ZNF814: variants seen among roughly 807,000 people sequenced by gnomAD.
ZNF814 encodes the protein zinc finger protein 814.
In ZNF814, 5 loss-of-function variants were observed where a neutral mutation model predicts 7.5. That is an observed-to-expected ratio of 0.67 (90% confidence interval 0.35 to 1.40). The LOEUF (loss-of-function observed/expected upper bound fraction) is 1.40. Among genes scored for constraint, ZNF814 ranks in the 40% most tolerant of loss-of-function variants. ZNF814 has a pLI of 0.04. For synonymous variants in ZNF814, 315 were observed against 340.7 expected (o/e 0.92, Z 0.83); for missense variants, 962 against 1,018.0 (o/e 0.94, Z 0.75).
chr19:57,886,158 A>G (rs1322804406), intron 1 of ZNF814, among the ~76,000 whole-genome samples: 1 of 152,096 alleles, frequency 6.6e-6, no homozygotes, highest in Non-Finnish European at 1.5e-5. Flanking sequence ...GAGGGAATGG[A>G]ACACTCTCCA....
At position 57,870,431 on chromosome 19, in the gene ZNF814, A is replaced by G. The variant is rs1182559205; in HGVS notation, c.*2391T>C. ...GCACTAAGGCCATTTCCACCTGATT[A>G]AGTGGCTGGCTGGTCACAAAGGCCA... On this transcript the variant is annotated 3_prime_UTR_variant, in exon 3 of 3. Transcript: ENST00000435989. 1 of 152,170 alleles carries G rather than the reference A, an allele frequency of 6.6e-6. No individual in the cohort carries two copies. Among genetic ancestry groups the G allele is most frequent in the Non-Finnish European group, 1.5e-5 (1 of 68,034 alleles). 9.4% of individuals were successfully genotyped at this position (152,170 alleles called of 1,614,324 possible).
In ZNF814 at chr19:57,871,054, ATAAAG is replaced by A. The variant is rs775068910; in HGVS notation, c.*1763_*1767del. On this transcript the variant is annotated 3_prime_UTR_variant, in exon 3 of 3. Coordinates refer to ENST00000435989, the MANE Select transcript of ZNF814 (RefSeq NM_001144989.2). ...ATTCTGTCTCCTCCACTGCCTATAAATAAAGTAATTCTATAAAATTATAATTTCAC... is the reference window on the plus strand; with the variant it reads ...ATTCTGTCTCCTCCACTGCCTATAAATAATTCTATAAAATTATAATTTCAC... 12 of 152,198 alleles carry A rather than the reference ATAAAG, an allele frequency of 7.9e-5. No homozygotes were observed. The highest frequency in any genetic ancestry group is 1.3e-4 in the Non-Finnish European group (9 of 68,042). The allele number at this position is 152,198 out of a possible 1,614,324, so 9.4% of individuals were successfully genotyped here.
At chr19:57,882,741 A>G (rs180976711) in intron 1 of ZNF814, among the ~76,000 whole-genome samples, 1 of 148,512 alleles carries the variant, frequency 6.7e-6, no homozygotes, top group Admixed American at 6.7e-5. Context: ...CTTAGATCAC[A>G]ACACCCGGGT....
chr19:57,893,260 G>A (rs189133146), upstream of ZNF814, among the ~76,000 whole-genome samples: 30 of 145,730 alleles, frequency 2.1e-4, no homozygotes, highest in East Asian at 5.2e-3. Context: ...TGCAACCTCC[G>A]CCTCCTGGGT....
At chr19:57,876,798 AC>A in intron 2 of ZNF814, 117 bp downstream of exon 2, 3 of 1,528,246 alleles carry the variant, frequency 2.0e-6, no homozygotes, top group Non-Finnish European at 2.6e-6. Context: ...GAACCTACCC[AC>A]AGAACTGAAG....
chr19:57,902,968 C>G, the ZNF814 span, among the ~76,000 whole-genome samples: 1 of 152,072 alleles, frequency 6.6e-6, no homozygotes, highest in Admixed American at 6.5e-5. Context: ...TGTGAGCCAC[C>G]CCGCCAGGCC....
intron 1 of ZNF814, among the ~76,000 whole-genome samples, chr19:57,877,615 G>A (rs1238222385): frequency 6.6e-6 from 1 of 151,916 alleles, no homozygotes; most frequent in Non-Finnish European, 1.5e-5. Flanking sequence ...GCTAATTTTT[G>A]TATTTTTAGT....
At chr19:57,877,677 G>A (rs1446592983) in intron 1 of ZNF814, among the ~76,000 whole-genome samples, 5 of 151,636 alleles carry the variant, frequency 3.3e-5, no homozygotes, top group Admixed American at 6.6e-5. Flanking sequence ...TCCTGACCTC[G>A]TAATCCTCCC....
chr19:57,887,417 C>T (rs572988151), intron 1 of ZNF814, among the ~76,000 whole-genome samples: 1 of 152,204 alleles, frequency 6.6e-6, no homozygotes, highest in Non-Finnish European at 1.5e-5. Flanking sequence ...ACCAAGATGC[C>T]TTTTGTCTTC....
upstream of ZNF814, chr19:57,889,113 C>T: frequency 2.2e-6 from 1 of 451,912 alleles, no homozygotes; most frequent in East Asian, 3.2e-5. Flanking sequence ...TCTGAGCCCT[C>T]AGAGGTCTTC....
rs1414656032 is a variant in ZNF814, at chr19:57,872,651, A to C, written c.*171T>G. ...GCAAAGGATTTCCCACATTCACTGC[A>C]CTCATAAGGTGGTGTGACCAGTGTG... On this transcript the variant is annotated 3_prime_UTR_variant, in exon 3 of 3. Transcript: ENST00000435989. The C allele has an allele frequency of 2.7e-6, 4 of 1,501,828 alleles. No individual in the cohort carries two copies. Among genetic ancestry groups the C allele is most frequent in the Non-Finnish European group, 3.6e-6 (4 of 1,097,074 alleles). The allele number at this position is 1,501,828 out of a possible 1,614,324, so 93.0% of individuals were successfully genotyped here.
At chr19:57,884,763 C>G (rs1459736181) in intron 1 of ZNF814, among the ~76,000 whole-genome samples, 1 of 152,086 alleles carries the variant, frequency 6.6e-6, no homozygotes, top group Non-Finnish European at 1.5e-5. Flanking sequence ...ATAACAAATG[C>G]TGGTGAGGAT....
At chr19:57,883,810 C>T (rs376627448) in intron 1 of ZNF814, among the ~76,000 whole-genome samples, 2 of 151,218 alleles carry the variant, frequency 1.3e-5, no homozygotes, top group Admixed American at 6.6e-5. Context: ...CAGGCTGGAG[C>T]GCAATGGCAC....
chr19:57,885,637 A>C (rs1198737903), intron 1 of ZNF814, among the ~76,000 whole-genome samples: 6 of 151,888 alleles, frequency 4.0e-5, no homozygotes, highest in Non-Finnish European at 8.8e-5. Context: ...CTCAAAAAAA[A>C]AAAAAACAAA....
intron 1 of ZNF814, among the ~76,000 whole-genome samples, chr19:57,888,260 T>C (rs1431630857): frequency 1.3e-5 from 2 of 152,232 alleles, no homozygotes; most frequent in African/African-American, 4.8e-5. Flanking sequence ...CATGGCCAAC[T>C]ACCAAGTGAA....
the ZNF814 span, among the ~76,000 whole-genome samples, chr19:57,896,066 C>T: frequency 1.3e-5 from 2 of 151,200 alleles, no homozygotes; most frequent in Admixed American, 6.6e-5. The surrounding 1 kb of genome is among the most constrained non-coding windows in gnomAD (Gnocchi z 4.2). Flanking sequence ...AGAAATTTTA[C>T]GTTTGCACAG....
At chr19:57,900,447 G>C in the ZNF814 span, 1 of 152,106 alleles carries the variant, frequency 6.6e-6, no homozygotes, top group Non-Finnish European at 1.5e-5. Context: ...AGCTTTTGCC[G>C]ATGCACAAAC....
chr19:57,871,076 T>A lies in ZNF814; in HGVS notation c.*1746A>T, dbSNP rs1002429064. On this transcript the variant is annotated 3_prime_UTR_variant, in exon 3 of 3. Coordinates refer to ENST00000435989, the MANE Select transcript of ZNF814 (RefSeq NM_001144989.2). ...TAAATAAAGTAATTCTATAAAATTATAATTTCACCTGATAGCATTACAATC... is the reference window on the plus strand; with the variant it reads ...TAAATAAAGTAATTCTATAAAATTAAAATTTCACCTGATAGCATTACAATC... The A allele has an allele frequency of 3.3e-5, 5 of 152,224 alleles. No individual in the cohort carries two copies. Among genetic ancestry groups the A allele is most frequent in the Non-Finnish European group, 7.3e-5 (5 of 68,038 alleles). 9.4% of individuals were successfully genotyped at this position (152,224 alleles called of 1,614,324 possible). A position where few individuals can be genotyped will look rare whatever the true frequency, so the allele number is the denominator to read the frequency against.
chr19:57,877,749 G>A (rs2071617821), intron 1 of ZNF814, among the ~76,000 whole-genome samples: 1 of 152,094 alleles, frequency 6.6e-6, no homozygotes, highest in South Asian at 2.1e-4. Flanking sequence ...CCAGCTTAAA[G>A]TATCTTAATT....
Sources: allele counts gnomAD v4.1 joint callset (sites outside exome capture counted in the v4.1 genomes callset), GRCh38; gene constraint gnomAD v4.1.1; non-coding constraint Gnocchi (gnomAD v3.1); transcripts MANE v1.5; gene names NCBI Gene and HGNC (gene_info 2026-07-23, HGNC 2026-07-21).